Variants in KDM4C observed in about 807,000 individuals in gnomAD.
KDM4C encodes lysine demethylase 4C.
A neutral mutation model predicts 129.3 loss-of-function variants in KDM4C; 81 were observed. The ratio of observed to expected loss-of-function variants is 0.63; its 90% confidence interval spans 0.52 to 0.75. The LOEUF is 0.75. Ranked by LOEUF, KDM4C falls within the 30% of genes least tolerant of loss-of-function variation. The pLI, the probability that KDM4C is intolerant of heterozygous loss-of-function variation, is 0.00. For missense variants in KDM4C, 1,457 were observed against 1,304.0 expected (o/e 1.12, Z -1.81); for synonymous variants, 573 against 456.1 (o/e 1.26, Z -3.26).
At chr9:6,724,318 C>T (rs1466941431) in intron 1 of KDM4C, among the ~76,000 whole-genome samples, 1 of 152,136 alleles carries the variant, frequency 6.6e-6, no homozygotes, top group African/African-American at 2.4e-5. Context: ...TCCATTTAAG[C>T]AGCAATTGTT....
chr9:6,793,424 G>C (rs1168553445), intron 2 of KDM4C, among the ~76,000 whole-genome samples: 1 of 151,844 alleles, frequency 6.6e-6, no homozygotes, highest in Non-Finnish European at 1.5e-5. Context: ...AGAGGTGTGA[G>C]AGTATTCATA....
At position 7,128,198 on chromosome 9, in the gene KDM4C, G is replaced by T; in HGVS notation, c.2743G>T (p.Gly915Cys). ...QTFYEVMFDD[G>C]SFSRDTFPED... ...CTTCTATGAGGTCATGTTTGATGAT[G>T]GCTCCTTTAGCAGAGACACATTTCC... The change falls in exon 19 of 22, where the codon GGC becomes TGC. Residue 915 changes from glycine to cysteine, a missense_variant. Physicochemically the swap from Gly to Cys is radical, Grantham distance 159. Transcript: ENST00000381309. 2 of 1,608,666 alleles carry T rather than the reference G, an allele frequency of 1.2e-6. No homozygotes were observed. The highest frequency in any genetic ancestry group is 1.1e-5 in the South Asian group (1 of 90,304).
intron 8 of KDM4C, among the ~76,000 whole-genome samples, chr9:6,928,030 G>A (rs577723495): frequency 6.6e-6 from 1 of 152,274 alleles, no homozygotes; most frequent in Admixed American, 6.5e-5. Context: ...AAGAGTTGCT[G>A]TACTCACCAT....
intron 18 of KDM4C, among the ~76,000 whole-genome samples, chr9:7,106,239 T>G (rs910841155): frequency 1.3e-5 from 2 of 152,222 alleles, no homozygotes; most frequent in African/African-American, 4.8e-5. Flanking sequence ...TAAATGTTCT[T>G]TCCTTATCAA....
chr9:7,013,041 G>A (rs1228234911), intron 13 of KDM4C, among the ~76,000 whole-genome samples: 1 of 151,562 alleles, frequency 6.6e-6, no homozygotes, highest in Non-Finnish European at 1.5e-5. Flanking sequence ...TCTTCCTTTA[G>A]TCATTAAATT....
At chr9:6,963,142 G>A (rs771391479) in intron 8 of KDM4C, among the ~76,000 whole-genome samples, 2 of 152,328 alleles carry the variant, frequency 1.3e-5, no homozygotes, top group Middle Eastern at 3.4e-3. Context: ...TGAGGATTGA[G>A]TTGTTAAATG....
chr9:6,943,252 C>T (rs926628635), intron 8 of KDM4C, among the ~76,000 whole-genome samples: 1 of 151,968 alleles, frequency 6.6e-6, no homozygotes. Context: ...AATGTGATTT[C>T]CTGTTAACTA....
intron 15 of KDM4C, among the ~76,000 whole-genome samples, chr9:7,041,540 A>G (rs181219704): frequency 0.013 from 1,463 of 108,766 alleles, 22 homozygotes; most frequent in African/African-American, 0.038. Context: ...TTGATCATAA[A>G]TGATTTTTTT....
chr9:6,896,577 TA>T (rs945767644), intron 8 of KDM4C, among the ~76,000 whole-genome samples: 124 of 145,662 alleles, frequency 8.5e-4, no homozygotes, highest in South Asian at 1.5e-3. Flanking sequence ...GTTTTTTAAT[TA>T]AAAAAAAAAA....
chr9:7,039,620 A>G (rs551781902), intron 15 of KDM4C, among the ~76,000 whole-genome samples: 1 of 152,222 alleles, frequency 6.6e-6, no homozygotes, highest in Admixed American at 6.5e-5. Context: ...TATTGATATA[A>G]CACAATTAAC....
chr9:7,125,387 A>G (rs1382397660), intron 18 of KDM4C, among the ~76,000 whole-genome samples: 1 of 152,152 alleles, frequency 6.6e-6, no homozygotes, highest in African/African-American at 2.4e-5. Context: ...AGATGGCTTC[A>G]TGGCACATAC....
intron 2 of KDM4C, among the ~76,000 whole-genome samples, chr9:6,799,769 C>T (rs1326072348): frequency 3.5e-5 from 5 of 142,004 alleles, no homozygotes; most frequent in Non-Finnish European, 6.1e-5. Context: ...TTTTATTATT[C>T]TGGCTTATTT....
At chr9:6,903,199 A>T (rs1817701863) in intron 8 of KDM4C, among the ~76,000 whole-genome samples, 1 of 152,152 alleles carries the variant, frequency 6.6e-6, no homozygotes, top group African/African-American at 2.4e-5. Context: ...GCATATTCCC[A>T]GTTCTTAGGA....
chr9:7,010,662 A>G (rs1051408963), intron 12 of KDM4C, among the ~76,000 whole-genome samples: 1 of 152,186 alleles, frequency 6.6e-6, no homozygotes, highest in African/African-American at 2.4e-5. Context: ...ATAGGCATTG[A>G]AGAGTATTTT....
chr9:7,070,417 A>G (rs995542129), intron 17 of KDM4C, among the ~76,000 whole-genome samples: 1 of 152,118 alleles, frequency 6.6e-6, no homozygotes. Flanking sequence ...CTGATACTCA[A>G]CTCTTGCAAA....
rs776813382 is a variant in KDM4C at position 6,793,140 on chromosome 9, T to G, written c.144+8T>G. On this transcript the variant is annotated splice_region_variant and intron_variant, in intron 2 of 21. Coordinates refer to ENST00000381309, the MANE Select transcript of KDM4C (RefSeq NM_015061.6). The stretch of plus-strand genomic sequence containing the variant: ...CGTGCGGGTCTTGCAAAGGTGATTA[T>G]CCTTCGATGCTTTAAATGAAAAACA... 6.2e-7 allele frequency: 1 copy of G among 1,609,946 alleles called. No homozygotes were observed. The highest frequency in any genetic ancestry group is 1.7e-5 in the Admixed American group (1 of 59,390).
chr9:7,002,084 G>A (rs1203367632), intron 12 of KDM4C, among the ~76,000 whole-genome samples: 4 of 152,098 alleles, frequency 2.6e-5, no homozygotes, highest in Non-Finnish European at 4.4e-5. Flanking sequence ...GTAGAGACAG[G>A]GTTTCTCCAT....
At chr9:6,902,655 A>G (rs1406851511) in intron 8 of KDM4C, 2 of 152,104 alleles carry the variant, frequency 1.3e-5, no homozygotes, top group Admixed American at 6.5e-5. Context: ...GGTCATTTTT[A>G]TGTCAGGGAA....
intron 14 of KDM4C, among the ~76,000 whole-genome samples, chr9:7,014,953 C>CACACACACACACACACACA (rs757152128): frequency 6.8e-6 from 1 of 146,610 alleles, no homozygotes; most frequent in African/African-American, 2.5e-5. Context: ...CACACACACA[C>CACACACACACACACACACA]CTTACATTAT....
Sources: gnomAD v4.1 joint callset for allele counts (sites outside exome capture counted in the v4.1 genomes callset) on GRCh38, gnomAD v4.1.1 for gene constraint, MANE v1.5 for transcripts, NCBI Gene and HGNC (gene_info 2026-07-23, HGNC 2026-07-21) for gene names.